Variants in PRKCH observed in about 807,000 individuals in gnomAD.
PRKCH encodes the protein protein kinase C eta, also known as protein kinase C eta type.
Under a neutral mutation model 82.5 loss-of-function variants are expected in PRKCH, and 28 were observed. The ratio of observed to expected loss-of-function variants is 0.34; its 90% confidence interval spans 0.25 to 0.47. The LOEUF (loss-of-function observed/expected upper bound fraction) is 0.47. Among genes scored for constraint, PRKCH ranks in the 20% least tolerant of loss-of-function variants. The pLI, the probability that PRKCH is intolerant of heterozygous loss-of-function variation, is 1.00. For synonymous variants in PRKCH, 322 were observed against 327.4 expected, an observed-to-expected ratio of 0.98 and a Z score of 0.18; for missense variants, 705 against 881.8, an observed-to-expected ratio of 0.80 and a Z score of 2.54.
At chr14:61,509,682 C>T (rs927240007) in intron 10 of PRKCH, among the ~76,000 whole-genome samples, 2 of 151,862 alleles carry the variant, frequency 1.3e-5, no homozygotes, top group African/African-American at 2.4e-5. Context: ...GTCAGGAGTT[C>T]GAAACCAGCC....
chr14:61,547,558 G>C (rs1313709474), intron 12 of PRKCH, among the ~76,000 whole-genome samples, 185 bp from the exon 13 acceptor site: 1 of 152,234 alleles, frequency 6.6e-6, no homozygotes, highest in African/African-American at 2.4e-5. Context: ...AATCCACACA[G>C]GCAATCGCGC....
intron 2 of PRKCH, 135 bp from the exon 3 acceptor site, chr14:61,442,976 G>T: frequency 1.2e-6 from 1 of 821,034 alleles, no homozygotes; most frequent in Non-Finnish European, 1.8e-6. Flanking sequence ...AATGATTTTA[G>T]GGGGGATGGT....
intron 1 of PRKCH, among the ~76,000 whole-genome samples, chr14:61,209,741 C>T (rs188136719): frequency 1.5e-3 from 230 of 152,166 alleles, no homozygotes; most frequent in Non-Finnish European, 2.9e-3. Context: ...TGGGTTTCTA[C>T]CGTACCCATC....
intron 2 of PRKCH, among the ~76,000 whole-genome samples, chr14:61,413,917 C>T (rs1176404114): frequency 6.6e-6 from 1 of 152,072 alleles, no homozygotes; most frequent in Non-Finnish European, 1.5e-5. Flanking sequence ...GTTTCCAGGC[C>T]CCATCTTATT....
intron 1 of PRKCH, among the ~76,000 whole-genome samples, chr14:61,291,680 C>T (rs1306740817): frequency 2.0e-5 from 3 of 152,142 alleles, no homozygotes; most frequent in Non-Finnish European, 4.4e-5. Context: ...CCAGAGAAAG[C>T]CTCTGATGAA....
At chr14:61,546,608 T>G (rs1266009777) in intron 12 of PRKCH, among the ~76,000 whole-genome samples, 2 of 152,218 alleles carry the variant, frequency 1.3e-5, no homozygotes, top group African/African-American at 4.8e-5. Context: ...AAACACTGTC[T>G]TTCCGTGTCT....
chr14:61,213,144 G>A (rs961787198), intron 1 of PRKCH, among the ~76,000 whole-genome samples: 2 of 152,176 alleles, frequency 1.3e-5, no homozygotes, highest in South Asian at 4.1e-4. Flanking sequence ...CCTTGGTGCT[G>A]TTAGTGAATC....
intron 5 of PRKCH, among the ~76,000 whole-genome samples, 183 bp downstream of exon 5, chr14:61,449,435 A>G (rs1317552493): frequency 2.0e-5 from 3 of 151,946 alleles, no homozygotes; most frequent in Admixed American, 2.0e-4. Flanking sequence ...TTGTATTAGA[A>G]TAGAAATGTC....
chr14:61,293,618 A>T (rs2045381946), intron 1 of PRKCH, among the ~76,000 whole-genome samples: 1 of 152,220 alleles, frequency 6.6e-6, no homozygotes. Flanking sequence ...AATCAGAGCT[A>T]TTTATTAGAA....
At chr14:61,391,638 T>A (rs1220034175) in intron 2 of PRKCH, among the ~76,000 whole-genome samples, 1 of 152,202 alleles carries the variant, frequency 6.6e-6, no homozygotes, top group Non-Finnish European at 1.5e-5. Flanking sequence ...TGCCTGTGAA[T>A]GTCTATGAAA....
At chr14:61,533,538 C>T (rs2043069781) in intron 12 of PRKCH, among the ~76,000 whole-genome samples, 1 of 152,206 alleles carries the variant, frequency 6.6e-6, no homozygotes, top group Non-Finnish European at 1.5e-5. Flanking sequence ...TGGTTAAGAA[C>T]CTGCCTCCAG....
intron 10 of PRKCH, among the ~76,000 whole-genome samples, chr14:61,490,251 C>T (rs1452586800): frequency 2.0e-5 from 3 of 152,156 alleles, no homozygotes; most frequent in East Asian, 3.8e-4. Flanking sequence ...TCTGACATGC[C>T]GCCTTTTACT....
At chr14:61,370,459 A>C (rs1041693286) in intron 1 of PRKCH, among the ~76,000 whole-genome samples, 3 of 152,144 alleles carry the variant, frequency 2.0e-5, no homozygotes, top group Non-Finnish European at 4.4e-5. Context: ...GTGTATCAGG[A>C]AATTCTGACC....
intron 9 of PRKCH, among the ~76,000 whole-genome samples, chr14:61,459,254 G>A (rs1372346887): frequency 6.6e-6 from 1 of 152,222 alleles, no homozygotes; most frequent in Non-Finnish European, 1.5e-5. Context: ...GATTCCACGA[G>A]AGCGGGATAG....
intron 1 of PRKCH, among the ~76,000 whole-genome samples, chr14:61,371,894 C>T (rs1220006733): frequency 6.6e-6 from 1 of 151,788 alleles, no homozygotes; most frequent in Non-Finnish European, 1.5e-5. Flanking sequence ...TCTATTCTCC[C>T]CCATTTATTT....
chr14:61,280,905 C>T lies in PRKCH; in HGVS notation c.-19+93237C>T. Reference sequence around the variant, plus strand: ...GCGGCAGCGCCCGGCCCTGGCCAGCCGCGGCGCACACCGAGCAGTTACCGG... The same window carrying T: ...GCGGCAGCGCCCGGCCCTGGCCAGCTGCGGCGCACACCGAGCAGTTACCGG... On this transcript the variant is annotated intron_variant, in intron 1 of 3. Coordinates refer to the PRKCH transcript ENST00000555185. The surrounding 1 kb of genome is among the most constrained non-coding windows in gnomAD (Gnocchi z 5.0). The T allele has an allele frequency of 6.5e-7, 1 of 1,546,794 alleles. No individual in the cohort carries two copies. Among genetic ancestry groups the T allele is most frequent in the Non-Finnish European group, 8.7e-7 (1 of 1,152,030 alleles).
Position 61,280,100 on chromosome 14 carries a change from C to G in PRKCH, c.-19+92432C>G. Reference sequence around the variant, plus strand: ...TCCCTGGAAAGCCGGAATCACTCCTCGTCGTCGTCGTCCTGGTCCTGGTAG... The same window carrying G: ...TCCCTGGAAAGCCGGAATCACTCCTGGTCGTCGTCGTCCTGGTCCTGGTAG... On this transcript the variant is annotated intron_variant, in intron 1 of 3. Coordinates refer to the PRKCH transcript ENST00000555185. The surrounding 1 kb of genome is among the most constrained non-coding windows in gnomAD (Gnocchi z 5.0). 6.2e-7 allele frequency: 1 copy of G among 1,605,352 alleles called. No individual in the cohort carries two copies. The highest frequency in any genetic ancestry group is 1.1e-5 in the South Asian group (1 of 89,710).
At position 61,443,105 on chromosome 14, in the gene PRKCH, A is replaced by G. The variant is rs1400497169; in HGVS notation, c.428-6A>G. The stretch of plus-strand genomic sequence containing the variant: ...TATTCTTTTTTTCCTTCCTTTTAAT[A>G]TATAGCTACTCTCCAGAGAGACCGG... On this transcript the variant is annotated splice_region_variant and splice_polypyrimidine_tract_variant and intron_variant, in intron 2 of 13. Transcript: ENST00000332981. The G allele has an allele frequency of 1.9e-6, 3 of 1,611,908 alleles. No individual in the cohort carries two copies. Among genetic ancestry groups the G allele is most frequent in the Non-Finnish European group, 2.5e-6 (3 of 1,178,810 alleles).
At chr14:61,195,657 T>C (rs2044435852) in intron 1 of PRKCH, among the ~76,000 whole-genome samples, 1 of 152,200 alleles carries the variant, frequency 6.6e-6, no homozygotes, top group South Asian at 2.1e-4. Context: ...GAAGACACCT[T>C]GGACTGAATT....
Sources: allele counts gnomAD v4.1 joint callset (sites outside exome capture counted in the v4.1 genomes callset), GRCh38; gene constraint gnomAD v4.1.1; non-coding constraint Gnocchi (gnomAD v3.1); transcripts MANE v1.5; gene names NCBI Gene and HGNC (gene_info 2026-07-23, HGNC 2026-07-21).